Variants in LCORL observed in about 807,000 individuals in gnomAD.
LCORL encodes ligand dependent nuclear receptor corepressor like.
A neutral mutation model predicts 141.8 loss-of-function variants in LCORL; 41 were observed. That is an observed-to-expected ratio of 0.29 (90% confidence interval 0.23 to 0.38). The LOEUF (loss-of-function observed/expected upper bound fraction) is 0.38. LCORL is among the 10% of genes least tolerant of loss of function. The pLI, the probability that LCORL is intolerant of heterozygous loss-of-function variation, is 1.00. For synonymous variants in LCORL, 618 were observed against 694.1 expected (o/e 0.89, Z 1.72); for missense variants, 1,759 against 2,035.0 (o/e 0.86, Z 2.61).
chr4:17,964,764 C>T (rs1177811621), intron 2 of LCORL, among the ~76,000 whole-genome samples: 3 of 152,030 alleles, frequency 2.0e-5, no homozygotes, highest in Non-Finnish European at 4.4e-5. Flanking sequence ...CACCCATAAG[C>T]GTGCAAAAGA....
rs533013528 is a variant in LCORL, at chr4:17,974,855, T to C, written c.155-1970A>G. ...TAATTTGTATAAATTACAGCACTTATTGGCAAAAAAGTTGCTCAAAAGATT... is the reference window on the plus strand; with the variant it reads ...TAATTTGTATAAATTACAGCACTTACTGGCAAAAAAGTTGCTCAAAAGATT... On this transcript the variant is annotated intron_variant, in intron 1 of 7. Coordinates refer to ENST00000635767, the Ensembl canonical transcript of LCORL. 5.4e-3 allele frequency among the ~76,000 whole-genome samples: 818 copies of C among 152,248 alleles called. 12 individuals carry two copies. Among genetic ancestry groups the C allele is most frequent in the African/African-American group, 0.019 (773 of 41,560 alleles).
At chr4:17,875,889 T>C (rs2109182936) in exon 7 of LCORL, 1 of 1,231,234 alleles carries the variant, frequency 8.1e-7, no homozygotes, top group Admixed American at 4.2e-5. Flanking sequence ...ACTGAATTTG[T>C]TTAGTTCTCT....
intron 5 of LCORL, among the ~76,000 whole-genome samples, chr4:17,901,766 G>A (rs1352214588): frequency 6.6e-6 from 1 of 151,650 alleles, no homozygotes; most frequent in Non-Finnish European, 1.5e-5. Flanking sequence ...CAATCCAAAA[G>A]AAAATAAGGA....
intron 1 of LCORL, among the ~76,000 whole-genome samples, chr4:17,998,658 T>C (rs1721291929): frequency 6.6e-6 from 1 of 151,930 alleles, no homozygotes; most frequent in African/African-American, 2.4e-5. Context: ...TTTTCTAAAT[T>C]AAAATAACAA....
intron 1 of LCORL, among the ~76,000 whole-genome samples, chr4:17,988,203 CCAGCCATGTGGAACTGTAAGTCCAGT>C (rs1224274795): frequency 6.6e-6 from 1 of 152,194 alleles, no homozygotes; most frequent in African/African-American, 2.4e-5. Context: ...TGAGGCCTCC[CCAGCCATGTGGAACTGTAAGTCCAGT>C]AAGCCTCTTT....
chr4:17,897,356 A>C (rs915522742), intron 5 of LCORL, among the ~76,000 whole-genome samples: 7 of 149,546 alleles, frequency 4.7e-5, no homozygotes, highest in African/African-American at 1.7e-4. Context: ...ATTAATTTAC[A>C]TTAGTCTTTA....
Position 17,878,158 on chromosome 4 carries a change from C to T in LCORL, c.832G>A (p.Ala278Thr), listed in dbSNP as rs754889935. Reference sequence around the variant, plus strand: ...AAAGATTCCAAAACTTTGTTTAATGCTGATTTTCTTTTTTCCATTTTAGTA... The same window carrying T: ...AAAGATTCCAAAACTTTGTTTAATGTTGATTTTCTTTTTTCCATTTTAGTA... The change falls in exon 7 of 8, where the codon GCA becomes ACA. Residue 278 changes from alanine to threonine, a missense_variant. Transcript: ENST00000635767. The T allele has an allele frequency of 4.7e-5, 58 of 1,229,950 alleles. No homozygotes were observed. In the Admixed American group the frequency reaches 8.9e-4, roughly 19 times the overall value. The allele number at this position is 1,229,950 out of a possible 1,614,324, so 76.2% of individuals were successfully genotyped here. A position where few individuals can be genotyped will look rare whatever the true frequency, so the allele number is the denominator to read the frequency against.
intron 3 of LCORL, 54 bp downstream of exon 3, chr4:17,962,916 C>G: frequency 1.1e-6 from 1 of 893,950 alleles, no homozygotes; most frequent in Non-Finnish European, 1.6e-6. Flanking sequence ...AAAAAAAAAA[C>G]TGTGTTACAA....
rs376798817 is a variant in LCORL at position 17,992,242 on chromosome 4, G to A, written c.155-19357C>T. 1.2e-4 allele frequency among the ~76,000 whole-genome samples: 19 copies of A among 152,302 alleles called. No homozygotes were observed. In the East Asian group the frequency reaches 1.5e-3, roughly 12 times the overall value. ...TCATTCTTCATATGGCAGCAGGAGA[G>A]AGATGTGCTGAGTGAAGTGGGGAAA... On this transcript the variant is annotated intron_variant, in intron 1 of 7. Transcript: ENST00000635767.
intron 7 of LCORL, among the ~76,000 whole-genome samples, chr4:17,865,564 T>G (rs1194849130): frequency 4.6e-5 from 7 of 152,184 alleles, no homozygotes; most frequent in Non-Finnish European, 4.4e-5. Context: ...TTGAATTTAA[T>G]TAAAATGAAA....
chr4:17,969,406 T>C (rs1715522306), intron 2 of LCORL, among the ~76,000 whole-genome samples: 1 of 152,174 alleles, frequency 6.6e-6, no homozygotes. Context: ...GCGAATTAAA[T>C]TCAAAAATTA....
chr4:17,952,676 G>C (rs1232153683), intron 4 of LCORL, among the ~76,000 whole-genome samples: 1 of 151,980 alleles, frequency 6.6e-6, no homozygotes, highest in African/African-American at 2.4e-5. Context: ...CGGCCTCCCA[G>C]AGTGCTGGGA....
chr4:17,911,232 C>CA (rs988829316), intron 4 of LCORL, among the ~76,000 whole-genome samples: 86 of 150,016 alleles, frequency 5.7e-4, no homozygotes, highest in African/African-American at 1.1e-3. Flanking sequence ...AATAATATGA[C>CA]AAAAAAAAAG....
At chr4:17,920,750 A>G (rs1022017740) in intron 4 of LCORL, among the ~76,000 whole-genome samples, 2 of 152,202 alleles carry the variant, frequency 1.3e-5, no homozygotes, top group African/African-American at 4.8e-5. Context: ...GCCAGAAGTA[A>G]ATTCCCTCTC....
exon 5 of LCORL, chr4:17,909,287 C>A (rs765300716): frequency 1.9e-6 from 3 of 1,610,682 alleles, no homozygotes; most frequent in Non-Finnish European, 2.5e-6. Flanking sequence ...GACGTATCAT[C>A]TTTTTCATTA....
chr4:17,961,787 A>G, intron 4 of LCORL, 116 bp downstream of exon 4: 1 of 712,584 alleles, frequency 1.4e-6, no homozygotes, highest in Non-Finnish European at 2.2e-6. Context: ...TTAAGAATAA[A>G]GAAACAATAA....
At chr4:17,879,391 C>G (rs80025233) in intron 6 of LCORL, among the ~76,000 whole-genome samples, 6,358 of 150,866 alleles carry the variant, frequency 0.042, 445 homozygotes, top group African/African-American at 0.15. Context: ...AAAAAGATAA[C>G]TTTACTAGAT....
chr4:17,980,129 A>C (rs1313089381), intron 1 of LCORL, among the ~76,000 whole-genome samples: 1 of 152,182 alleles, frequency 6.6e-6, no homozygotes, highest in African/African-American at 2.4e-5. Flanking sequence ...CCAGAACTAT[A>C]AGATACTAAA....
chr4:17,907,687 A>G (rs187129976), intron 5 of LCORL, among the ~76,000 whole-genome samples: 1 of 152,232 alleles, frequency 6.6e-6, no homozygotes, highest in African/African-American at 2.4e-5. Context: ...GGCAGATATC[A>G]TAAAAATAAC....
Sources: gnomAD v4.1 joint callset for allele counts (sites outside exome capture counted in the v4.1 genomes callset) on GRCh38, gnomAD v4.1.1 for gene constraint, MANE v1.5 for transcripts, NCBI Gene and HGNC (gene_info 2026-07-23, HGNC 2026-07-21) for gene names.